METTL23: variants seen among roughly 807,000 people sequenced by gnomAD.
The protein encoded by METTL23 is methyltransferase 23, arginine, also known as histone-arginine methyltransferase METTL23.
A neutral mutation model predicts 21.2 loss-of-function variants in METTL23; 24 were observed. The observed-to-expected ratio is 1.13, with a 90% CI of 0.82 to 1.59. The LOEUF (loss-of-function observed/expected upper bound fraction) is 1.59, where lower values mean the gene tolerates loss of function less well. METTL23 is among the 40% of genes most tolerant of loss of function. The pLI is 0.00. For missense variants in METTL23, 276 were observed against 221.4 expected (o/e 1.25, Z -1.57); for synonymous variants, 97 against 75.2 (o/e 1.29, Z -1.50).
chr17:76,726,358 C>T, upstream of METTL23: 1 of 1,589,028 alleles, frequency 6.3e-7, no homozygotes, highest in Non-Finnish European at 8.5e-7. Flanking sequence ...GCCACGGCCG[C>T]CGGGCTCAGC....
Position 76,727,173 on chromosome 17 carries a change from C to G in METTL23, c.-27C>G, listed in dbSNP as rs891927353. The stretch of plus-strand genomic sequence containing the variant: ...CGGGGCTGTCCTGGAGGTCCACGTC[C>G]CGCAGGTGCGTGCAGCAGCACCCGC... On this transcript the variant is annotated 5_prime_UTR_variant, in exon 1 of 5. Coordinates refer to ENST00000341249, the MANE Select transcript of METTL23 (RefSeq NM_001080510.5). The G allele has an allele frequency of 2.4e-6, 1 of 420,140 alleles. No homozygotes were observed. The highest frequency in any genetic ancestry group is 2.1e-5 in the African/African-American group (1 of 48,526). The allele number at this position is 420,140 out of a possible 1,614,324, so 26.0% of individuals were successfully genotyped here.
chr17:76,727,271 G>C, intron 1 of METTL23, 93 bp downstream of exon 1: 1 of 347,912 alleles, frequency 2.9e-6, no homozygotes, highest in South Asian at 2.1e-5. Context: ...GGGTGCGGAC[G>C]CTCAGCTGCG....
Position 76,733,029 on chromosome 17 carries a change from G to A in METTL23, c.136G>A (p.Glu46Lys), listed in dbSNP as rs114299201. 6 of 1,598,192 alleles carry A rather than the reference G, an allele frequency of 3.8e-6. No homozygotes were observed. Among genetic ancestry groups the A allele is most frequent in the South Asian group, 3.4e-5 (3 of 88,752 alleles). The stretch of plus-strand genomic sequence containing the variant: ...AATTTTGGCTGCCAAATGTGGTGCA[G>A]AAGTAATACTGTCAGACAGCTCAGA... ...PGILAAKCGA[E>K]VILSDSSELP... Residue 46 changes from glutamate to lysine, a missense_variant, in exon 3 of 5, where the codon GAA becomes AAA. Transcript: ENST00000341249.
rs1239849903 is a variant in METTL23, at chr17:76,727,044, C to A, written c.-156C>A. 1 of 454,978 alleles carries A rather than the reference C, an allele frequency of 2.2e-6. No individual in the cohort carries two copies. Among genetic ancestry groups the A allele is most frequent in the African/African-American group, 2.0e-5 (1 of 50,152 alleles). The allele number at this position is 454,978 out of a possible 1,614,324, so 28.2% of individuals were successfully genotyped here. A position where few individuals can be genotyped will look rare whatever the true frequency, so the allele number is the denominator to read the frequency against. On this transcript the variant is annotated 5_prime_UTR_variant, in exon 1 of 5. Transcript: ENST00000341249. ...CCGGAGCCTTCCGCGGTCCCCCGCC[C>A]GCCCGGGGCCCAACGACGCCCTACT...
chr17:76,726,451 T>A, upstream of METTL23: 1 of 1,604,012 alleles, frequency 6.2e-7, no homozygotes, highest in Non-Finnish European at 8.5e-7. Context: ...GCCTCGCGGA[T>A]GCGCTTCTTG....
upstream of METTL23, chr17:76,726,334 C>T (rs951625587): frequency 4.5e-6 from 7 of 1,564,976 alleles, no homozygotes; most frequent in Non-Finnish European, 4.3e-6. Flanking sequence ...CCACCCCCGC[C>T]CGACCCGCTC....
At chr17:76,729,873 T>C in intron 2 of METTL23, 79 bp downstream of exon 2, 2 of 994,294 alleles carry the variant, frequency 2.0e-6, no homozygotes, top group Non-Finnish European at 3.1e-6. Context: ...TTGCTTGTTT[T>C]TAGCTTTTGT....
rs896974820 is a variant in METTL23, at chr17:76,729,749, C to T, written c.39C>T (p.Tyr13=). 3.1e-6 allele frequency: 5 copies of T among 1,600,034 alleles called. No individual in the cohort carries two copies. The African/African-American group carries it at 4.0e-5, about 13-fold the overall frequency. ...VWPCAVVLAQ[Y]LWFHRRSLPG... is the part of the protein sequence containing the mutation. ...CCTGTGCTGTGGTCCTGGCCCAGTA[C>T]CTTTGGTTTCACAGAAGATCTCTGC... Residue 13 remains tyrosine (Y), a synonymous_variant, in exon 2 of 5, where the codon TAC becomes TAT. Coordinates refer to ENST00000341249, the MANE Select transcript of METTL23 (RefSeq NM_001080510.5).
intron 2 of METTL23, among the ~76,000 whole-genome samples, chr17:76,731,687 AAT>A (rs1245888273): frequency 6.6e-6 from 1 of 152,232 alleles, no homozygotes; most frequent in Non-Finnish European, 1.5e-5. Context: ...CATTTGCAGA[AAT>A]AGACTTTCAC....
chr17:76,733,566 A>G lies in METTL23; in HGVS notation c.453A>G (p.Lys151=), dbSNP rs2077338502. 18 of 1,613,950 alleles carry G rather than the reference A, an allele frequency of 1.1e-5. 1 individual carries two copies. The South Asian group carries it at 1.9e-4, about 17-fold the overall frequency. The change falls in exon 5 of 5, where the codon AAA becomes AAG. Residue 151 remains lysine, a synonymous_variant. Coordinates refer to ENST00000341249, the MANE Select transcript of METTL23 (RefSeq NM_001080510.5). Reference sequence around the variant, plus strand: ...CTTTACTCTACAAATGGGATATGAAATGTGTCCACATTCCTCTTGAGTCTT... The same window carrying G: ...CTTTACTCTACAAATGGGATATGAAGTGTGTCCACATTCCTCTTGAGTCTT... ...LEALLYKWDM[K]CVHIPLESFD...
Position 76,733,502 on chromosome 17 carries a change from A to G in METTL23, c.408-19A>G, listed in dbSNP as rs1182362422. On this transcript the variant is annotated intron_variant, in intron 4 of 4. Coordinates refer to ENST00000341249, the MANE Select transcript of METTL23 (RefSeq NM_001080510.5). Reference sequence around the variant, plus strand: ...ACAGAAAAGGCATGACTTTAAAAGAACAACTTTTTTTTTTTAAGTGCTGAC... The same window carrying G: ...ACAGAAAAGGCATGACTTTAAAAGAGCAACTTTTTTTTTTTAAGTGCTGAC... 6.2e-7 allele frequency: 1 copy of G among 1,600,218 alleles called. No homozygotes were observed. Among genetic ancestry groups the G allele is most frequent in the African/African-American group, 1.4e-5 (1 of 73,936 alleles).
chr17:76,726,339 C>G (rs2076933889), upstream of METTL23: 1 of 1,571,488 alleles, frequency 6.4e-7, no homozygotes, highest in Non-Finnish European at 8.6e-7. Context: ...CCCGCCCGAC[C>G]CGCTCACCGC....
At chr17:76,731,682 G>T (rs2077213615) in intron 2 of METTL23, among the ~76,000 whole-genome samples, 1 of 152,160 alleles carries the variant, frequency 6.6e-6, no homozygotes, top group African/African-American at 2.4e-5. Flanking sequence ...TATCACATTT[G>T]CAGAAATAGA....
At chr17:76,726,719 C>T (rs949353560), upstream of METTL23, 20 of 539,822 alleles carry the variant, frequency 3.7e-5, no homozygotes, top group African/African-American at 2.0e-4. Flanking sequence ...TTGGCTTTGG[C>T]TCCCCTGGGG....
chr17:76,732,782 G>T (rs777966479), intron 2 of METTL23, 196 bp from the exon 3 acceptor site: 28 of 601,802 alleles, frequency 4.7e-5, no homozygotes, highest in Non-Finnish European at 7.6e-5. Context: ...TTACCTTTTA[G>T]CAGAGTAGAT....
At chr17:76,726,449 G>T, upstream of METTL23, 1 of 1,603,616 alleles carries the variant, frequency 6.2e-7, no homozygotes, top group Admixed American at 1.7e-5. Flanking sequence ...TGGCCTCGCG[G>T]ATGCGCTTCT....
In METTL23 at chr17:76,733,594, G is replaced by A. The variant is rs779839289; in HGVS notation, c.481G>A (p.Asp161Asn). 2 of 1,613,672 alleles carry A rather than the reference G, an allele frequency of 1.2e-6. No individual in the cohort carries two copies. The highest frequency in any genetic ancestry group is 8.5e-7 in the Non-Finnish European group (1 of 1,179,798). The part of the protein sequence containing the change: ...KCVHIPLESF[D>N]ADKEDIAEST... ...TGTCCACATTCCTCTTGAGTCTTTT[G>A]ATGCAGACAAAGAAGATATAGCAGA... is the stretch of plus-strand genomic sequence containing the variant. The change falls in exon 5 of 5, where the codon GAT (aspartate) becomes AAT (asparagine). Residue 161 changes from aspartate (D) to asparagine (N), a missense_variant. Transcript: ENST00000341249.
intron 2 of METTL23, 190 bp from the exon 3 acceptor site, chr17:76,732,783 CAGAGT>C: frequency 1.7e-6 from 1 of 601,468 alleles, no homozygotes; most frequent in Middle Eastern, 4.4e-4. Flanking sequence ...TACCTTTTAG[CAGAGT>C]AGATTCATAA....
chr17:76,726,132 C>T (rs1568003596), upstream of METTL23, among the ~76,000 whole-genome samples: 1 of 152,238 alleles, frequency 6.6e-6, no homozygotes, highest in Admixed American at 6.5e-5. Context: ...GTGGGACTCC[C>T]GTCGTCCGCC....
Sources: gnomAD v4.1 joint callset for allele counts (sites outside exome capture counted in the v4.1 genomes callset) on GRCh38, gnomAD v4.1.1 for gene constraint, MANE v1.5 for transcripts, NCBI Gene and HGNC (gene_info 2026-07-23, HGNC 2026-07-21) for gene names.